Variants in CEP162 observed in about 807,000 individuals in gnomAD.
CEP162 encodes centrosomal protein 162.
A neutral mutation model predicts 169.2 loss-of-function variants in CEP162; 141 were observed. The ratio of observed to expected loss-of-function variants is 0.83; its 90% CI spans 0.73 to 0.96. The LOEUF is 0.96. Ranked by LOEUF, CEP162 falls within the 40% of genes least tolerant of loss-of-function variation. The pLI, the probability that CEP162 is intolerant of heterozygous loss-of-function variation, is 0.00. For synonymous variants in CEP162, 540 were observed against 526.4 expected (o/e 1.03, Z -0.35); for missense variants, 1,600 against 1,587.2 (o/e 1.01, Z -0.14).
Position 84,191,128 on chromosome 6 carries a change from T to C in CEP162, c.1109+2481A>G, listed in dbSNP as rs757014815. 8.6e-5 allele frequency among the ~76,000 whole-genome samples: 13 copies of C among 150,486 alleles called. No homozygotes were observed. The South Asian group carries it at 2.7e-3, about 32-fold the overall frequency. On this transcript the variant is annotated intron_variant, in intron 11 of 26. Coordinates refer to ENST00000403245, the MANE Select transcript of CEP162 (RefSeq NM_014895.4). ...TAAGTTACGAAACTTTCTGAAAGAA[T>C]ATAATGTAAAAAACCATAACCCTGT...
In CEP162 at chr6:84,212,985, C is replaced by G. The variant is rs765353059; in HGVS notation, c.543G>C (p.Glu181Asp). Residue 181 changes from glutamate (E) to aspartate (D), a missense_variant, in exon 6 of 27, where the codon GAG becomes GAC. Physicochemically the swap from Glu to Asp is conservative, Grantham distance 45. Transcript: ENST00000403245. ...CCAGTTCTTCATGTTTCGATTCATT[C>G]TCATGTTCGTCATCAGTTAGTTCTG... The part of the protein sequence containing the change: ...ANAELTDDEH[E>D]NESKHEELAE... 3.2e-6 allele frequency: 5 copies of G among 1,555,072 alleles called. No homozygotes were observed. The Admixed American group carries it at 7.5e-5, about 23-fold the overall frequency.
rs2099544089 is a variant in CEP162, at chr6:84,200,687, T to C, written c.835+102A>G. The C allele has an allele frequency of 6.6e-6, 3 of 453,654 alleles. No homozygotes were observed. In the South Asian group the frequency reaches 1.6e-4, roughly 24 times the overall value. 28.1% of individuals were successfully genotyped at this position (453,654 alleles called of 1,614,324 possible). The stretch of plus-strand genomic sequence containing the variant: ...AAAATGTCAGATTTAAAGTTTTCAT[T>C]ATCAATATAGTTATTATATATATAT... On this transcript the variant is annotated intron_variant, in intron 9 of 26. Transcript: ENST00000403245.
chr6:84,203,423 GCTTAA>G (rs776781835), intron 7 of CEP162, among the ~76,000 whole-genome samples: 7 of 152,132 alleles, frequency 4.6e-5, no homozygotes, highest in African/African-American at 7.2e-5. Context: ...CTTAACTTAA[GCTTAA>G]CTTATTTGCC....
In CEP162 at chr6:84,185,243, A is replaced by G. The variant is rs1176173136; in HGVS notation, c.1607T>C (p.Ile536Thr). The G allele has an allele frequency of 3.7e-6, 6 of 1,613,300 alleles. No homozygotes were observed. The highest frequency in any genetic ancestry group is 4.2e-6 in the Non-Finnish European group (5 of 1,179,506). ...STLEKKTSED[I>T]IKSKNLRSIS... ...CGATCTCAAGTTTTTGCTTTTTATA[A>G]TGTCCTCTGAAGTTTTCTTTTCAAG... Residue 536 changes from isoleucine to threonine, a missense_variant, in exon 13 of 27, where the codon ATT (isoleucine) becomes ACT (threonine). Physicochemically the swap from Ile to Thr is moderately conservative, Grantham distance 89 (BLOSUM62 -1). Coordinates refer to ENST00000403245, the MANE Select transcript of CEP162 (RefSeq NM_014895.4).
chr6:84,143,157 C>A (rs762448932), intron 25 of CEP162, among the ~76,000 whole-genome samples: 1 of 152,036 alleles, frequency 6.6e-6, no homozygotes, highest in African/African-American at 2.4e-5. Flanking sequence ...TCCAAATATA[C>A]TGAAACATTA....
chr6:84,222,387 A>T (rs896577963), intron 2 of CEP162, among the ~76,000 whole-genome samples: 1 of 152,154 alleles, frequency 6.6e-6, no homozygotes, highest in Non-Finnish European at 1.5e-5. Context: ...ATCTATTTTA[A>T]TAGCTTTGGC....
At chr6:84,190,970 C>G (rs550985587) in intron 11 of CEP162, among the ~76,000 whole-genome samples, 22 of 152,306 alleles carry the variant, frequency 1.4e-4, no homozygotes, top group African/African-American at 5.1e-4. Context: ...CGTAAGCCAC[C>G]GTGCCCAGCC....
chr6:84,155,216 A>G, intron 22 of CEP162, 82 bp downstream of exon 22: 1 of 1,047,510 alleles, frequency 9.5e-7, no homozygotes, highest in South Asian at 1.5e-5. Context: ...GTTTATAGCT[A>G]TTTGTTAAAG....
chr6:84,155,496 T>C lies in CEP162; in HGVS notation c.2796A>G (p.Glu932=), dbSNP rs995282396. 1.9e-6 allele frequency: 3 copies of C among 1,605,802 alleles called. No homozygotes were observed. The highest frequency in any genetic ancestry group is 1.7e-5 in the Admixed American group (1 of 59,738). Residue 932 remains glutamate, a synonymous_variant, in exon 22 of 27, where the codon GAA becomes GAG. Coordinates refer to ENST00000403245, the MANE Select transcript of CEP162 (RefSeq NM_014895.4). ...QDLERQVKEM[E]GILKRRYPNS... is the part of the protein sequence containing the mutation. ...TGGGATATCTTCTCTTCAGAATCCCTTCCATTTCCTTAACCTATTAAAACA... is the reference window on the plus strand; with the variant it reads ...TGGGATATCTTCTCTTCAGAATCCCCTCCATTTCCTTAACCTATTAAAACA...
Position 84,161,696 on chromosome 6 carries a change from G to A in CEP162, c.2676+50C>T, listed in dbSNP as rs190355061. 232 of 1,285,126 alleles carry A rather than the reference G, an allele frequency of 1.8e-4. 1 individual carries two copies. The East Asian group carries it at 4.0e-3, about 22-fold the overall frequency. The allele number at this position is 1,285,126 out of a possible 1,614,324, so 79.6% of individuals were successfully genotyped here. A position where few individuals can be genotyped will look rare whatever the true frequency, so the allele number is the denominator to read the frequency against. ...AAAGGTTATGTACAACAGATATTACGGACAAAAGGATTCATCTAGAGAAGA... is the reference window on the plus strand; with the variant it reads ...AAAGGTTATGTACAACAGATATTACAGACAAAAGGATTCATCTAGAGAAGA... On this transcript the variant is annotated intron_variant, in intron 20 of 26. Coordinates refer to ENST00000403245, the MANE Select transcript of CEP162 (RefSeq NM_014895.4).
At chr6:84,213,378 C>T (rs1465904121) in intron 5 of CEP162, among the ~76,000 whole-genome samples, 1 of 152,090 alleles carries the variant, frequency 6.6e-6, no homozygotes, top group Non-Finnish European at 1.5e-5. Flanking sequence ...GCTATGAGAA[C>T]CAGTGAAGTC....
At chr6:84,226,266 A>G (rs1467594680) in intron 2 of CEP162, 71 bp downstream of exon 2, 1 of 1,011,052 alleles carries the variant, frequency 9.9e-7, no homozygotes. Context: ...TGTATCTTCG[A>G]GATGACAGAA....
intron 23 of CEP162, among the ~76,000 whole-genome samples, chr6:84,151,932 A>T (rs2099521274): frequency 6.6e-6 from 1 of 152,110 alleles, no homozygotes; most frequent in South Asian, 2.1e-4. Context: ...ATAAAAGAAA[A>T]TACTATTTGT....
At chr6:84,169,805 G>A (rs999400819) in intron 17 of CEP162, among the ~76,000 whole-genome samples, 8 of 152,020 alleles carry the variant, frequency 5.3e-5, no homozygotes, top group Non-Finnish European at 5.9e-5. Flanking sequence ...TCTGAGAGTC[G>A]CCAGTCTCAT....
At position 84,183,056 on chromosome 6, in the gene CEP162, A is replaced by G. The variant is rs60086903; in HGVS notation, c.1663+2131T>C. Among the ~76,000 whole-genome samples the G allele has an allele frequency of 3.4e-3, 519 of 152,284 alleles. 3 individuals carry two copies. The highest frequency in any genetic ancestry group is 0.011 in the African/African-American group (477 of 41,556). On this transcript the variant is annotated intron_variant, in intron 13 of 26. Coordinates refer to ENST00000403245, the MANE Select transcript of CEP162 (RefSeq NM_014895.4). ...TCTTCAATAAAAAACAGAGATTAAAAATATCATACTTAATATTCAGTCTAA... is the reference window on the plus strand; with the variant it reads ...TCTTCAATAAAAAACAGAGATTAAAGATATCATACTTAATATTCAGTCTAA...
intron 18 of CEP162, 46 bp from the exon 19 acceptor site, chr6:84,163,316 A>G (rs894528553): frequency 7.1e-7 from 1 of 1,406,330 alleles, no homozygotes; most frequent in Non-Finnish European, 9.9e-7. Context: ...TACAACCACA[A>G]TAAATTGTGG....
At chr6:84,161,203 A>T (rs1689028973) in intron 20 of CEP162, among the ~76,000 whole-genome samples, 1 of 152,152 alleles carries the variant, frequency 6.6e-6, no homozygotes, top group South Asian at 2.1e-4. Context: ...ATCAAAGGGA[A>T]AATGAAATAA....
chr6:84,132,533 TGTTC>T (rs1562913098), intron 25 of CEP162, among the ~76,000 whole-genome samples: 1 of 152,208 alleles, frequency 6.6e-6, no homozygotes, highest in African/African-American at 2.4e-5. Context: ...TTGGAGGCTT[TGTTC>T]ATTTCTTTTT....
chr6:84,151,514 A>G (rs2099521090), intron 23 of CEP162, among the ~76,000 whole-genome samples: 1 of 152,168 alleles, frequency 6.6e-6, no homozygotes, highest in Non-Finnish European at 1.5e-5. Flanking sequence ...AATCCAATAA[A>G]TAGTTCTAGG....
Sources: gnomAD v4.1 joint callset for allele counts (sites outside exome capture counted in the v4.1 genomes callset) on GRCh38, gnomAD v4.1.1 for gene constraint, MANE v1.5 for transcripts, NCBI Gene and HGNC (gene_info 2026-07-23, HGNC 2026-07-21) for gene names.